The following TLN2 variants were observed in gnomAD, a reference collection of about 807,000 sequenced individuals.
The protein encoded by TLN2 is talin-2.
In TLN2, 118 loss-of-function variants were observed where a neutral mutation model predicts 294.7. The ratio of observed to expected loss-of-function variants is 0.40; its 90% confidence interval spans 0.34 to 0.47. The LOEUF (loss-of-function observed/expected upper bound fraction) is 0.47, where lower values mean the gene tolerates loss of function less well. Among genes scored for constraint, TLN2 ranks in the 20% least tolerant of loss-of-function variants. TLN2 has a pLI of 0.84. For synonymous variants in TLN2, 1,431 were observed against 1,304.5 expected (o/e 1.10, Z -2.09); for missense variants, 3,083 against 3,282.2 (o/e 0.94, Z 1.48).
intron 51 of TLN2, 147 bp from the exon 52 acceptor site, chr15:62,809,778 G>A (rs1005124201): frequency 5.7e-5 from 39 of 685,754 alleles, no homozygotes; most frequent in Non-Finnish European, 9.3e-5. Context: ...GTGGCAGGAG[G>A]ACGTAGAGGA....
chr15:62,524,719 A>C (rs1443020345), intron 1 of TLN2, among the ~76,000 whole-genome samples: 5 of 152,218 alleles, frequency 3.3e-5, no homozygotes, highest in Non-Finnish European at 5.9e-5. Flanking sequence ...TTTAGAATTC[A>C]GAATCAGTTG....
intron 32 of TLN2, among the ~76,000 whole-genome samples, chr15:62,745,126 A>G (rs570469537): frequency 2.6e-5 from 4 of 152,338 alleles, no homozygotes; most frequent in African/African-American, 9.6e-5. Context: ...AACTGAACCT[A>G]TTCAGCATCT....
intron 1 of TLN2, among the ~76,000 whole-genome samples, chr15:62,528,491 G>A (rs529847296): frequency 3.3e-5 from 5 of 152,076 alleles, no homozygotes; most frequent in Admixed American, 6.6e-5. Context: ...CTATGTCTGC[G>A]ACACTCTGTT....
intron 9 of TLN2, among the ~76,000 whole-genome samples, chr15:62,671,349 T>A (rs918175219): frequency 6.6e-6 from 1 of 152,224 alleles, no homozygotes; most frequent in Non-Finnish European, 1.5e-5. Context: ...AAAAACTCTT[T>A]GCCTAAATCA....
At chr15:62,833,773 C>T (rs916924392) in intron 55 of TLN2, 144 bp downstream of exon 55, 56 of 1,200,114 alleles carry the variant, frequency 4.7e-5, no homozygotes, top group South Asian at 2.3e-4. Context: ...CTGTGCTGAC[C>T]GACTGAAAAC....
At chr15:62,766,521 C>CA (rs2063018549) in intron 41 of TLN2, 99 bp downstream of exon 41, 4 of 1,164,296 alleles carry the variant, frequency 3.4e-6, no homozygotes, top group Non-Finnish European at 4.9e-6. Context: ...GCCTGTGGTG[C>CA]AAGTATTGTG....
intron 1 of TLN2, among the ~76,000 whole-genome samples, chr15:62,534,839 A>G (rs1331462906): frequency 1.3e-5 from 2 of 152,116 alleles, no homozygotes; most frequent in South Asian, 2.1e-4. Flanking sequence ...GGAAACTAGG[A>G]ACAAGACCAA....
chr15:62,430,462 T>G (rs1042517079), intron 1 of TLN2, among the ~76,000 whole-genome samples: 1 of 152,164 alleles, frequency 6.6e-6, no homozygotes, highest in East Asian at 1.9e-4. Flanking sequence ...TCGCTAGATG[T>G]TTTTACTCTC....
chr15:62,801,296 T>G lies in TLN2; in HGVS notation c.6477+527T>G, dbSNP rs372009246. ...GAGAGAAATTGACCCTGTTCTTTTC[T>G]GACTTGTTCCAGCATTGCAGAGTTG... On this transcript the variant is annotated intron_variant, in intron 50 of 58. Coordinates refer to ENST00000636159, the MANE Select transcript of TLN2 (RefSeq NM_015059.3). 1.8e-4 allele frequency among the ~76,000 whole-genome samples: 28 copies of G among 152,362 alleles called. No homozygotes were observed. In the South Asian group the frequency reaches 5.6e-3, roughly 30 times the overall value.
intron 19 of TLN2, among the ~76,000 whole-genome samples, chr15:62,705,918 G>A (rs1156542310): frequency 1.3e-5 from 2 of 152,232 alleles, no homozygotes; most frequent in African/African-American, 2.4e-5. Context: ...CTTAGTTTTT[G>A]TCCATTTTAA....
chr15:62,656,049 C>T lies in TLN2; in HGVS notation c.623C>T (p.Ser208Leu), dbSNP rs776986439. Residue 208 changes from serine (S) to leucine (L), a missense_variant, in exon 8 of 59, where the codon TCG becomes TTG. By Grantham distance (145) the Ser-to-Leu change is moderately radical (BLOSUM62 -2). Transcript: ENST00000636159. ...TTTTACTCTGATCAGAATGTAGATT[C>T]GAGAGACCCCGTGCAGCTGAACTTG... ...KFFYSDQNVD[S>L]RDPVQLNLLY... 8.1e-6 allele frequency: 13 copies of T among 1,614,050 alleles called. No individual in the cohort carries two copies. Among genetic ancestry groups the T allele is most frequent in the Admixed American group, 6.7e-5 (4 of 60,004 alleles).
intron 50 of TLN2, among the ~76,000 whole-genome samples, chr15:62,801,089 G>A (rs2065900587): frequency 2.0e-5 from 3 of 152,218 alleles, no homozygotes; most frequent in Admixed American, 2.0e-4. Context: ...CAGTATGACT[G>A]TGCTTACCTG....
In TLN2 at chr15:62,735,283, C is replaced by T. The variant is rs577943029; in HGVS notation, c.3359-1595C>T. ...TCCTGGCATCTCCAGTCTTCATCCT[C>T]TTCTTGGGTGTGCCAAGGACTGTGT... On this transcript the variant is annotated intron_variant, in intron 28 of 58. Coordinates refer to ENST00000636159, the MANE Select transcript of TLN2 (RefSeq NM_015059.3). Among the ~76,000 whole-genome samples the T allele has an allele frequency of 2.6e-5, 4 of 152,340 alleles. No homozygotes were observed. The South Asian group carries it at 8.3e-4, about 32-fold the overall frequency.
At chr15:62,399,510 G>A (rs1464383903) in intron 1 of TLN2, among the ~76,000 whole-genome samples, 1 of 152,162 alleles carries the variant, frequency 6.6e-6, no homozygotes, top group Non-Finnish European at 1.5e-5. Flanking sequence ...AAAAGCTGCA[G>A]ACACTCAACA....
intron 38 of TLN2, 82 bp downstream of exon 38, chr15:62,761,903 C>G: frequency 1.3e-6 from 2 of 1,559,146 alleles, no homozygotes; most frequent in East Asian, 4.5e-5. Context: ...GTTAAAACTC[C>G]AACAGCTCTC....
chr15:62,542,872 C>T (rs1016556032), intron 1 of TLN2, among the ~76,000 whole-genome samples: 1 of 151,944 alleles, frequency 6.6e-6, no homozygotes, highest in African/African-American at 2.4e-5. Flanking sequence ...GCAACTTTGA[C>T]CCAGGATTAC....
At chr15:62,645,354 C>T (rs1248956214) in intron 3 of TLN2, 1 of 152,244 alleles carries the variant, frequency 6.6e-6, no homozygotes, top group Non-Finnish European at 1.5e-5. Flanking sequence ...CCAGTGAACA[C>T]TGCTGTTGTT....
At chr15:62,611,421 T>A (rs893881161) in intron 2 of TLN2, among the ~76,000 whole-genome samples, 1 of 152,164 alleles carries the variant, frequency 6.6e-6, no homozygotes, top group Non-Finnish European at 1.5e-5. Context: ...GTAGCCTGTT[T>A]CCCTTGATAG....
intron 28 of TLN2, among the ~76,000 whole-genome samples, chr15:62,736,428 G>A (rs1052512565): frequency 6.6e-6 from 1 of 152,134 alleles, no homozygotes; most frequent in African/African-American, 2.4e-5. Flanking sequence ...ATATGTGGCT[G>A]TATCCATATG....
Sources: gnomAD v4.1 joint callset for allele counts (sites outside exome capture counted in the v4.1 genomes callset) on GRCh38, gnomAD v4.1.1 for gene constraint, MANE v1.5 for transcripts, NCBI Gene and HGNC (gene_info 2026-07-23, HGNC 2026-07-21) for gene names.